ZNF579: variants seen among roughly 807,000 people sequenced by gnomAD.
ZNF579 encodes the protein zinc finger protein 579.
A neutral mutation model predicts 5.7 loss-of-function variants in ZNF579; 3 were observed. The ratio of observed to expected loss-of-function variants is 0.53; its 90% CI spans 0.24 to 1.36. The LOEUF is 1.36. Among genes scored for constraint, ZNF579 ranks in the 40% most tolerant of loss-of-function variants. The probability of loss-of-function intolerance (pLI) is 0.16; values close to 1 mark genes in which losing one functional copy is unlikely to be tolerated. For missense variants in ZNF579, 679 were observed against 877.6 expected (o/e 0.77, Z 2.86); for synonymous variants, 454 against 409.0 (o/e 1.11, Z -1.33).
rs915946483 is a variant in ZNF579, at chr19:55,579,415, C to A, written c.225G>T (p.Pro75=). The A allele has an allele frequency of 6.7e-6, 9 of 1,334,938 alleles. No individual in the cohort carries two copies. The highest frequency in any genetic ancestry group is 3.1e-5 in the African/African-American group (2 of 64,174). The allele number at this position is 1,334,938 out of a possible 1,614,324, so 82.7% of individuals were successfully genotyped here. ...SHSGLRPHAC[P]LCPKAFRRPA... ...GCCGGCGGAAGGCCTTGGGGCACAG[C>A]GGGCAGGCGTGGGGCCGGAGCCCCG... is the stretch of plus-strand genomic sequence containing the variant. The change falls in exon 2 of 2, where the codon CCG becomes CCT. Residue 75 remains proline, a synonymous_variant. Coordinates refer to ENST00000325421, the MANE Select transcript of ZNF579 (RefSeq NM_152600.3).
In ZNF579 at chr19:55,578,149, T is replaced by A. The variant is rs947032850; in HGVS notation, c.1491A>T (p.Glu497Asp). The A allele has an allele frequency of 3.3e-6, 5 of 1,527,328 alleles. No homozygotes were observed. The highest frequency in any genetic ancestry group is 4.4e-6 in the Non-Finnish European group (5 of 1,136,312). The allele number at this position is 1,527,328 out of a possible 1,614,324, so 94.6% of individuals were successfully genotyped here. Residue 497 changes from glutamate (E) to aspartate (D), a missense_variant, in exon 2 of 2, where the codon GAA becomes GAT. Around this residue, in one of 6 missense-constraint regions of ZNF579, gnomAD observed 116 missense variants for 121.9 expected, o/e 0.95. Coordinates refer to ENST00000325421, the MANE Select transcript of ZNF579 (RefSeq NM_152600.3). ...PPPPLKAEQE[E>D]EGLPLPLANI... ...TTGCGAGGGGCAGCGGGAGCCCTTC[T>A]TCCTCCTGCTCGGCCTTCAGGGGCG...
At position 55,577,602 on chromosome 19, in the gene ZNF579, G is replaced by C. The variant is rs550810469; in HGVS notation, c.*349C>G. 20 of 341,082 alleles carry C rather than the reference G, an allele frequency of 5.9e-5. No individual in the cohort carries two copies. Among genetic ancestry groups the C allele is most frequent in the African/African-American group, 4.3e-4 (20 of 46,062 alleles). 21.1% of individuals were successfully genotyped at this position (341,082 alleles called of 1,614,324 possible). A position where few individuals can be genotyped will look rare whatever the true frequency, so the allele number is the denominator to read the frequency against. ...GACCTTTGCTCACTGGGGACCCCCA[G>C]GGTCTGGCAGTTCCAAAGAGGTGAT... On this transcript the variant is annotated 3_prime_UTR_variant, in exon 2 of 2. Transcript: ENST00000325421.
chr19:55,578,852 G>C lies in ZNF579; in HGVS notation c.788C>G (p.Pro263Arg), dbSNP rs1263860770. Residue 263 changes from proline to arginine, a missense_variant, in exon 2 of 2, where the codon CCC (proline) becomes CGC (arginine). Transcript: ENST00000325421. ...CTGGTGTCGCTTGGGGCGTGGCGGG[G>C]GCCCCCCTTCCCCTTCCTGTTCGCC... is the stretch of plus-strand genomic sequence containing the variant. ...PEGEQEGEGGPPPRPKRHQCS... is the reference protein window; with the variant it reads ...PEGEQEGEGGRPPRPKRHQCS... The C allele has an allele frequency of 1.3e-6, 2 of 1,599,908 alleles. No homozygotes were observed. The highest frequency in any genetic ancestry group is 3.4e-5 in the Admixed American group (2 of 58,808).
In ZNF579 at chr19:55,578,642, C is replaced by T; in HGVS notation, c.998G>A (p.Gly333Asp). The change falls in exon 2 of 2, where the codon GGC (glycine) becomes GAC (aspartate). Residue 333 changes from glycine (G) to aspartate (D), a missense_variant. Transcript: ENST00000325421. ...LSLLAPLPAA[G>D]KKDDKASGAR... ...ACCCGAGGCCTTGTCGTCCTTCTTG[C>T]CCGCCGCGGGCAGCGGGGCCAGCAG... 6.5e-7 allele frequency: 1 copy of T among 1,527,306 alleles called. No homozygotes were observed. Among genetic ancestry groups the T allele is most frequent in the African/African-American group, 1.4e-5 (1 of 70,042 alleles). 94.6% of individuals were successfully genotyped at this position (1,527,306 alleles called of 1,614,324 possible). A position where few individuals can be genotyped will look rare whatever the true frequency, so the allele number is the denominator to read the frequency against.
intron 1 of ZNF579, chr19:55,580,028 G>A (rs1474380754): frequency 1.1e-5 from 2 of 188,806 alleles, no homozygotes; most frequent in Non-Finnish European, 2.2e-5. Flanking sequence ...CAGAGAAGAG[G>A]AAACAAAGAG....
Position 55,579,002 on chromosome 19 carries a change from G to T in ZNF579, c.638C>A (p.Ala213Glu). Reference sequence around the variant, plus strand: ...CTGTTTCTCCTCCTGCCGCCCGGCCGCCAGCGCCAGCTCGGCCCTCAGCTC... The same window carrying T: ...CTGTTTCTCCTCCTGCCGCCCGGCCTCCAGCGCCAGCTCGGCCCTCAGCTC... Reference protein sequence around the residue: ...AAELRAELALAAGRQEEKQVL... With the variant: ...AAELRAELALEAGRQEEKQVL... Residue 213 changes from alanine to glutamate, a missense_variant, in exon 2 of 2, where the codon GCG (alanine) becomes GAG (glutamate). Around this residue, in one of 6 missense-constraint regions of ZNF579, gnomAD observed 209 missense variants for 223.4 expected, o/e 0.94. Transcript: ENST00000325421. 1 of 1,531,450 alleles carries T rather than the reference G, an allele frequency of 6.5e-7. No individual in the cohort carries two copies. Among genetic ancestry groups the T allele is most frequent in the Non-Finnish European group, 8.7e-7 (1 of 1,144,566 alleles). The allele number at this position is 1,531,450 out of a possible 1,614,324, so 94.9% of individuals were successfully genotyped here.
rs1979504008 is a variant in ZNF579 at position 55,578,809 on chromosome 19, C to T, written c.831G>A (p.Lys277=). ...ACAGGGACCAGGGCCTGGCGAAGGCCTTGAGGCAGATGGAGCACTGGTGTC... is the reference window on the plus strand; with the variant it reads ...ACAGGGACCAGGGCCTGGCGAAGGCTTTGAGGCAGATGGAGCACTGGTGTC... ...PKRHQCSICL[K]AFARPWSLSR... is the part of the protein sequence containing the mutation. Residue 277 remains lysine, a synonymous_variant, in exon 2 of 2, where the codon AAG becomes AAA. Coordinates refer to ENST00000325421, the MANE Select transcript of ZNF579 (RefSeq NM_152600.3). 4 of 1,602,750 alleles carry T rather than the reference C, an allele frequency of 2.5e-6. No homozygotes were observed. The highest frequency in any genetic ancestry group is 3.4e-6 in the Non-Finnish European group (4 of 1,174,444).
At chr19:55,580,487 C>T (rs1979620900) in intron 1 of ZNF579, among the ~76,000 whole-genome samples, 2 of 147,652 alleles carry the variant, frequency 1.4e-5, no homozygotes, top group South Asian at 4.5e-4. Flanking sequence ...GGTGTGGATT[C>T]CTGGGTCCCG....
rs1437717793 is a variant in ZNF579, at chr19:55,577,486, C to T, written c.*465G>A. ...GGACAAATCCTGACTCGCCCCAGCG[C>T]CCCCAGCCTGCCCCACCTCCACAGA... is the stretch of plus-strand genomic sequence containing the variant. On this transcript the variant is annotated 3_prime_UTR_variant, in exon 2 of 2. Transcript: ENST00000325421. 2 of 169,080 alleles carry T rather than the reference C, an allele frequency of 1.2e-5. No individual in the cohort carries two copies. Among genetic ancestry groups the T allele is most frequent in the Admixed American group, 1.1e-4 (2 of 18,106 alleles). The allele number at this position is 169,080 out of a possible 1,614,324, so 10.5% of individuals were successfully genotyped here.
At position 55,579,933 on chromosome 19, in the gene ZNF579, G is replaced by C. The variant is rs199595865; in HGVS notation, c.-2-292C>G. The C allele has an allele frequency of 3.7e-4, 127 of 345,540 alleles. No individual in the cohort carries two copies. In the East Asian group the frequency reaches 5.0e-3, roughly 14 times the overall value. 21.4% of individuals were successfully genotyped at this position (345,540 alleles called of 1,614,324 possible). ...GTGGGGATGGACAGACAGAGACCAG[G>C]AGTCGCAGAAAGACAGGATGGTGAA... On this transcript the variant is annotated intron_variant, in intron 1 of 1. Transcript: ENST00000325421.
Position 55,577,561 on chromosome 19 carries a change from C to A in ZNF579, c.*390G>T. Reference sequence around the variant, plus strand: ...GAACTCACATTTATTCACAGACAGACAAAGGGACAAGGACAGACCTTTGCT... The same window carrying A: ...GAACTCACATTTATTCACAGACAGAAAAAGGGACAAGGACAGACCTTTGCT... On this transcript the variant is annotated 3_prime_UTR_variant, in exon 2 of 2. Transcript: ENST00000325421. 1 of 222,160 alleles carries A rather than the reference C, an allele frequency of 4.5e-6. No homozygotes were observed. The highest frequency in any genetic ancestry group is 9.0e-6 in the Non-Finnish European group (1 of 111,592). 13.8% of individuals were successfully genotyped at this position (222,160 alleles called of 1,614,324 possible).
rs1356497080 is a variant in ZNF579, at chr19:55,578,510, G to T, written c.1130C>A (p.Pro377His). Reference sequence around the variant, plus strand: ...CCAGAAGCGGGGCTCCCCGGCGGGGGGCCGAGCCGGGGCGGCGTCGCCTCC... The same window carrying T: ...CCAGAAGCGGGGCTCCCCGGCGGGGTGCCGAGCCGGGGCGGCGTCGCCTCC... ...QNGGDAAPAR[P>H]PAGEPRFWCP... The change falls in exon 2 of 2, where the codon CCC becomes CAC. Residue 377 changes from proline (P) to histidine (H), a missense_variant. Coordinates refer to ENST00000325421, the MANE Select transcript of ZNF579 (RefSeq NM_152600.3). 3.5e-6 allele frequency: 5 copies of T among 1,412,772 alleles called. No individual in the cohort carries two copies. The highest frequency in any genetic ancestry group is 2.9e-5 in the East Asian group (1 of 34,760). 87.5% of individuals were successfully genotyped at this position (1,412,772 alleles called of 1,614,324 possible).
In ZNF579 at chr19:55,577,674, A is replaced by T; in HGVS notation, c.*277T>A. The stretch of plus-strand genomic sequence containing the variant: ...GGGACAGGGAGGCGGGGGCGTCCCC[A>T]CCAGTCTCCATCCCTCTGGCCAACT... On this transcript the variant is annotated 3_prime_UTR_variant, in exon 2 of 2. Coordinates refer to ENST00000325421, the MANE Select transcript of ZNF579 (RefSeq NM_152600.3). 2.2e-6 allele frequency: 1 copy of T among 453,364 alleles called. No homozygotes were observed. Among genetic ancestry groups the T allele is most frequent in the African/African-American group, 2.1e-5 (1 of 48,368 alleles). The allele number at this position is 453,364 out of a possible 1,614,324, so 28.1% of individuals were successfully genotyped here.
rs773775396 is a variant in ZNF579 at position 55,578,863 on chromosome 19, C to G, written c.777G>C (p.Gly259=). ...PCLRPEGEQE[G]EGGPPPRPKR... ...TGGGGCGTGGCGGGGGCCCCCCTTC[C>G]CCTTCCTGTTCGCCCTCGGGGCGCA... The change falls in exon 2 of 2, where the codon GGG becomes GGC. Residue 259 remains glycine (G), a synonymous_variant. Transcript: ENST00000325421. 1.3e-6 allele frequency: 2 copies of G among 1,599,200 alleles called. No homozygotes were observed. Among genetic ancestry groups the G allele is most frequent in the Admixed American group, 3.4e-5 (2 of 58,574 alleles).
intron 1 of ZNF579, 79 bp from the exon 2 acceptor site, chr19:55,579,720 G>A: frequency 7.6e-7 from 1 of 1,317,792 alleles, no homozygotes; most frequent in African/African-American, 1.6e-5. Flanking sequence ...AAGAGAAGCA[G>A]AGACAGTCAG....
At chr19:55,580,603 G>T (rs1420758886) in intron 1 of ZNF579, among the ~76,000 whole-genome samples, 192 bp downstream of exon 1, 1 of 151,492 alleles carries the variant, frequency 6.6e-6, no homozygotes, top group East Asian at 2.0e-4. Flanking sequence ...CTGAGGGCCG[G>T]ACCCCTGGAC....
In ZNF579 at chr19:55,577,860, G is replaced by A; in HGVS notation, c.*91C>T. The A allele has an allele frequency of 6.6e-7, 1 of 1,519,342 alleles. No individual in the cohort carries two copies. Among genetic ancestry groups the A allele is most frequent in the East Asian group, 2.4e-5 (1 of 40,854 alleles). 94.1% of individuals were successfully genotyped at this position (1,519,342 alleles called of 1,614,324 possible). A position where few individuals can be genotyped will look rare whatever the true frequency, so the allele number is the denominator to read the frequency against. On this transcript the variant is annotated 3_prime_UTR_variant, in exon 2 of 2. Transcript: ENST00000325421. Reference sequence around the variant, plus strand: ...TCAAGGGCGTGAAGGGGACGGGTGGGTAGACAGAGGAGGTGGCTCCTTCAA... The same window carrying A: ...TCAAGGGCGTGAAGGGGACGGGTGGATAGACAGAGGAGGTGGCTCCTTCAA...
Position 55,579,226 on chromosome 19 carries a change from C to A in ZNF579, c.414G>T (p.Glu138Asp), listed in dbSNP as rs1400184692. 1 of 1,522,846 alleles carries A rather than the reference C, an allele frequency of 6.6e-7. No homozygotes were observed. Among genetic ancestry groups the A allele is most frequent in the African/African-American group, 1.4e-5 (1 of 71,450 alleles). 94.3% of individuals were successfully genotyped at this position (1,522,846 alleles called of 1,614,324 possible). ...GCGGGCCCCAGCTGGGTTCGGCCGT[C>A]TCCTTGGCCACCCTCTCGATGGCCA... The part of the protein sequence containing the change: ...VELAIERVAK[E>D]TAEPSWGPQD... Residue 138 changes from glutamate (E) to aspartate (D), a missense_variant, in exon 2 of 2, where the codon GAG becomes GAT. Glu to Asp is a conservative substitution (Grantham distance 45). Around this residue, in one of 6 missense-constraint regions of ZNF579, gnomAD observed 209 missense variants for 223.4 expected, o/e 0.94. Transcript: ENST00000325421.
In ZNF579 at chr19:55,579,131, C is replaced by A. The variant is rs1247201248; in HGVS notation, c.509G>T (p.Trp170Leu). 28 of 1,525,192 alleles carry A rather than the reference C, an allele frequency of 1.8e-5. No homozygotes were observed. The highest frequency in any genetic ancestry group is 2.4e-5 in the Non-Finnish European group (27 of 1,142,174). The allele number at this position is 1,525,192 out of a possible 1,614,324, so 94.5% of individuals were successfully genotyped here. ...GATEEEAVAA[W>L]PETWPAGEPS... ...CTCCCCCGCAGGCCACGTCTCAGGC[C>A]ACGCTGCGACCGCCTCCTCCTCCGT... is the stretch of plus-strand genomic sequence containing the variant. Residue 170 changes from tryptophan (W) to leucine (L), a missense_variant, in exon 2 of 2, where the codon TGG (tryptophan) becomes TTG (leucine). This residue lies in a region of ZNF579 where 209 missense variants were observed against 223.4 expected (regional missense o/e 0.94). Transcript: ENST00000325421.
Sources: allele counts gnomAD v4.1 joint callset (sites outside exome capture counted in the v4.1 genomes callset), GRCh38; gene constraint gnomAD v4.1.1; regional missense constraint gnomAD v4.1.1; transcripts MANE v1.5; gene names NCBI Gene and HGNC (gene_info 2026-07-23, HGNC 2026-07-21).